Variants in DCDC2C observed in about 807,000 individuals in gnomAD.
DCDC2C encodes the protein doublecortin domain-containing protein 2C.
DCDC2C carries 44 observed loss-of-function variants against 45.0 expected under a neutral mutation model. That is an observed-to-expected ratio of 0.98 (90% CI 0.77 to 1.26). The LOEUF (loss-of-function observed/expected upper bound fraction) is 1.26, where lower values mean the gene tolerates loss of function less well. Among genes scored for constraint, DCDC2C ranks in the 50% most tolerant of loss-of-function variants. The probability of loss-of-function intolerance (pLI) is 0.00; values close to 1 mark genes in which losing one functional copy is unlikely to be tolerated. For synonymous variants in DCDC2C, 187 were observed against 178.8 expected (o/e 1.05, Z -0.37); for missense variants, 447 against 468.9 (o/e 0.95, Z 0.43).
chr2:3,825,828 C>T (rs1272247238), intron 10 of DCDC2C, among the ~76,000 whole-genome samples: 2 of 152,160 alleles, frequency 1.3e-5, no homozygotes, highest in Non-Finnish European at 1.5e-5. Flanking sequence ...GCCCGGCTCT[C>T]GTGTCTTGGC....
intron 1 of DCDC2C, among the ~76,000 whole-genome samples, chr2:3,705,799 T>G (rs1395973335): frequency 6.6e-6 from 1 of 151,674 alleles, no homozygotes; most frequent in African/African-American, 2.4e-5. Flanking sequence ...GAGAAAAAAT[T>G]GAGATGTTTT....
intron 7 of DCDC2C, 42 bp from the exon 8 acceptor site, chr2:3,769,269 C>G: frequency 2.0e-6 from 3 of 1,531,966 alleles, no homozygotes; most frequent in Non-Finnish European, 2.7e-6. Context: ...ACTCCAGCTT[C>G]TCCATGGGTT....
intron 8 of DCDC2C, 28 bp downstream of exon 8, chr2:3,769,439 C>G: frequency 6.5e-7 from 1 of 1,538,098 alleles, no homozygotes. Context: ...GATGTCCATG[C>G]CGTCTTCACT....
intron 10 of DCDC2C, among the ~76,000 whole-genome samples, chr2:3,800,171 G>C (rs1334994976): frequency 6.6e-6 from 1 of 152,206 alleles, no homozygotes; most frequent in East Asian, 1.9e-4. Flanking sequence ...CTAGGAAAGG[G>C]AACTCCCTGA....
intron 2 of DCDC2C, among the ~76,000 whole-genome samples, chr2:3,721,565 A>G (rs1339552320): frequency 6.6e-6 from 1 of 152,184 alleles, no homozygotes; most frequent in African/African-American, 2.4e-5. Flanking sequence ...AAGACAAAAC[A>G]ACAAAGCCAC....
At chr2:3,714,009 A>G (rs938644745) in intron 2 of DCDC2C, among the ~76,000 whole-genome samples, 8 of 152,222 alleles carry the variant, frequency 5.3e-5, no homozygotes, top group African/African-American at 1.9e-4. Context: ...TTCAATGTCT[A>G]AATGTTTTAC....
intron 2 of DCDC2C, among the ~76,000 whole-genome samples, chr2:3,718,700 G>A (rs1668413732): frequency 6.6e-6 from 1 of 152,170 alleles, no homozygotes; most frequent in African/African-American, 2.4e-5. Flanking sequence ...TCTGAAACAA[G>A]CTCTGTGCTG....
intron 10 of DCDC2C, among the ~76,000 whole-genome samples, chr2:3,802,038 C>G (rs1156527671): frequency 6.6e-6 from 1 of 152,210 alleles, no homozygotes; most frequent in Non-Finnish European, 1.5e-5. Context: ...TATGTGAGAT[C>G]AATTCAGAAG....
At chr2:3,728,148 A>G (rs1380555210) in intron 3 of DCDC2C, among the ~76,000 whole-genome samples, 1 of 152,082 alleles carries the variant, frequency 6.6e-6, no homozygotes, top group African/African-American at 2.4e-5. Context: ...AAGGGCTTGG[A>G]GGCTCATGAG....
At chr2:3,781,300 T>G (rs1670502003) in intron 9 of DCDC2C, among the ~76,000 whole-genome samples, 1 of 152,370 alleles carries the variant, frequency 6.6e-6, no homozygotes, top group South Asian at 2.1e-4. Context: ...TACATTCATT[T>G]GACAAATTAA....
chr2:3,814,875 G>A (rs1326074437), intron 10 of DCDC2C, among the ~76,000 whole-genome samples: 2 of 152,252 alleles, frequency 1.3e-5, no homozygotes, highest in East Asian at 3.8e-4. Context: ...TTGGGACCAA[G>A]CATCCAGCTT....
intron 6 of DCDC2C, among the ~76,000 whole-genome samples, chr2:3,763,104 C>T (rs752416330): frequency 5.9e-5 from 9 of 152,192 alleles, no homozygotes; most frequent in Non-Finnish European, 1.3e-4. Flanking sequence ...TCCCCTGGAC[C>T]ACCATTGATG....
At chr2:3,816,916 G>T (rs2148219819) in intron 10 of DCDC2C, among the ~76,000 whole-genome samples, 1 of 152,320 alleles carries the variant, frequency 6.6e-6, no homozygotes, top group East Asian at 1.9e-4. Flanking sequence ...CAATGGAAAG[G>T]AAATGAGACG....
chr2:3,846,844 G>C (rs1672345140), intron 10 of DCDC2C, among the ~76,000 whole-genome samples: 1 of 152,182 alleles, frequency 6.6e-6, no homozygotes. Flanking sequence ...GAAGGAAGGG[G>C]CAGAGGAATG....
intron 8 of DCDC2C, among the ~76,000 whole-genome samples, chr2:3,776,810 A>C (rs1461909269): frequency 7.2e-5 from 11 of 152,170 alleles, no homozygotes; most frequent in Admixed American, 6.5e-4. Context: ...GCAGAGTGAG[A>C]ATGCAACTCG....
intron 3 of DCDC2C, among the ~76,000 whole-genome samples, chr2:3,730,454 GA>G (rs1558567665): frequency 6.6e-6 from 1 of 152,072 alleles, no homozygotes; most frequent in Non-Finnish European, 1.5e-5. Context: ...TACTGCTTGA[GA>G]CCATCATTAC....
chr2:3,804,133 A>G (rs1671176702), intron 10 of DCDC2C, among the ~76,000 whole-genome samples: 1 of 152,090 alleles, frequency 6.6e-6, no homozygotes, highest in East Asian at 1.9e-4. Flanking sequence ...CACACCTTAT[A>G]TTTCCCTGGT....
intron 4 of DCDC2C, among the ~76,000 whole-genome samples, chr2:3,745,068 C>T (rs1669324080): frequency 6.6e-6 from 1 of 152,188 alleles, no homozygotes; most frequent in African/African-American, 2.4e-5. Flanking sequence ...TCACTGCAAC[C>T]TCCACCTCCC....
intron 2 of DCDC2C, among the ~76,000 whole-genome samples, chr2:3,712,799 C>T (rs982270798): frequency 6.6e-6 from 1 of 152,172 alleles, no homozygotes; most frequent in Non-Finnish European, 1.5e-5. Flanking sequence ...GGCTGAGATG[C>T]CTGCACACCA....
Sources: allele counts gnomAD v4.1 joint callset (sites outside exome capture counted in the v4.1 genomes callset), GRCh38; gene constraint gnomAD v4.1.1; transcripts MANE v1.5; gene names NCBI Gene and HGNC (gene_info 2026-07-23, HGNC 2026-07-21).